Variants in PTPRT observed in about 807,000 individuals in gnomAD.
PTPRT encodes protein tyrosine phosphatase receptor type T.
PTPRT carries 56 observed loss-of-function variants against 176.8 expected under a neutral mutation model. That is an observed-to-expected ratio of 0.32 (90% CI 0.26 to 0.40). The LOEUF is 0.40. PTPRT is among the 10% of genes least tolerant of loss of function. The pLI, the probability that PTPRT is intolerant of heterozygous loss-of-function variation, is 1.00. For synonymous variants in PTPRT, 783 were observed against 739.0 expected (o/e 1.06, Z -0.96); for missense variants, 1,540 against 1,908.2 (o/e 0.81, Z 3.60).
At chr20:42,660,831 CAG>C (rs1198796194) in intron 7 of PTPRT, among the ~76,000 whole-genome samples, 1 of 151,910 alleles carries the variant, frequency 6.6e-6, no homozygotes, top group Non-Finnish European at 1.5e-5. Flanking sequence ...GTTTGGTAAA[CAG>C]TGTTTTTTGT....
intron 1 of PTPRT, among the ~76,000 whole-genome samples, chr20:43,109,079 T>A (rs2146338436): frequency 6.6e-6 from 1 of 152,230 alleles, no homozygotes; most frequent in Admixed American, 6.5e-5. Context: ...ATTTTCTATT[T>A]TTTTTTCCCC....
At chr20:42,816,146 T>C (rs1453862335) in intron 2 of PTPRT, among the ~76,000 whole-genome samples, 1 of 152,124 alleles carries the variant, frequency 6.6e-6, no homozygotes, top group Non-Finnish European at 1.5e-5. Context: ...TCAGTGAAGA[T>C]TGGAACAGTA....
chr20:42,187,725 A>G (rs866745845), intron 16 of PTPRT, among the ~76,000 whole-genome samples: 1 of 152,184 alleles, frequency 6.6e-6, no homozygotes, highest in African/African-American at 2.4e-5. Flanking sequence ...CAGCTCCTTC[A>G]CACATTCTGA....
intron 1 of PTPRT, among the ~76,000 whole-genome samples, chr20:42,986,249 G>T (rs548364990): frequency 6.6e-6 from 1 of 152,340 alleles, no homozygotes; most frequent in East Asian, 1.9e-4. Flanking sequence ...TTCTGTACCA[G>T]AATCATTTTC....
intron 18 of PTPRT, among the ~76,000 whole-genome samples, chr20:42,129,054 C>T (rs1041341346): frequency 6.6e-6 from 1 of 152,152 alleles, no homozygotes; most frequent in African/African-American, 2.4e-5. Context: ...CTGATTTCGT[C>T]ATTACCTAAC....
intron 12 of PTPRT, among the ~76,000 whole-genome samples, chr20:42,293,374 C>A (rs1181478396): frequency 6.6e-6 from 1 of 152,146 alleles, no homozygotes; most frequent in Admixed American, 6.6e-5. Context: ...CTGCAACTGA[C>A]CATTCCCTCC....
At chr20:42,878,225 G>A (rs924268404) in intron 2 of PTPRT, among the ~76,000 whole-genome samples, 2 of 152,162 alleles carry the variant, frequency 1.3e-5, no homozygotes, top group African/African-American at 4.8e-5. Context: ...GAAATAAATC[G>A]TGGAACAGTC....
intron 7 of PTPRT, among the ~76,000 whole-genome samples, chr20:42,533,330 C>T (rs996017102): frequency 1.3e-5 from 2 of 152,180 alleles, no homozygotes; most frequent in African/African-American, 2.4e-5. Context: ...GGTGTGCCGC[C>T]GGGTCTCAAC....
At chr20:42,726,923 G>T (rs2076389613) in intron 6 of PTPRT, among the ~76,000 whole-genome samples, 1 of 152,216 alleles carries the variant, frequency 6.6e-6, no homozygotes, top group African/African-American at 2.4e-5. Context: ...ATCCTGCTGA[G>T]ATTTTGACAC....
intron 2 of PTPRT, among the ~76,000 whole-genome samples, chr20:42,848,793 C>T (rs1368291070): frequency 6.6e-6 from 1 of 152,088 alleles, no homozygotes; most frequent in African/African-American, 2.4e-5. Flanking sequence ...GTTTCTTTGG[C>T]TGTTCGGAAG....
intron 7 of PTPRT, among the ~76,000 whole-genome samples, chr20:42,644,385 T>C (rs762537224): frequency 6.6e-6 from 1 of 152,156 alleles, no homozygotes; most frequent in Non-Finnish European, 1.5e-5. Flanking sequence ...CCCCTCCCAA[T>C]TTATCAGTAC....
intron 7 of PTPRT, among the ~76,000 whole-genome samples, chr20:42,647,485 TCAGA>T (rs1429924026): frequency 6.6e-6 from 1 of 152,158 alleles, no homozygotes; most frequent in African/African-American, 2.4e-5. Context: ...GTTCAATTTC[TCAGA>T]CATTCACTTT....
At chr20:42,284,584 A>G (rs1260877457) in intron 12 of PTPRT, among the ~76,000 whole-genome samples, 1 of 152,058 alleles carries the variant, frequency 6.6e-6, no homozygotes, top group African/African-American at 2.4e-5. Context: ...TTCATCTGTT[A>G]ATCAGAATCA....
chr20:42,395,352 G>A (rs535288876), intron 9 of PTPRT, among the ~76,000 whole-genome samples: 1 of 152,262 alleles, frequency 6.6e-6, no homozygotes, highest in African/African-American at 2.4e-5. Context: ...AAGGACCTAT[G>A]CCGCATCTAA....
intron 1 of PTPRT, among the ~76,000 whole-genome samples, chr20:42,895,667 T>G (rs2079283263): frequency 6.6e-6 from 1 of 152,232 alleles, no homozygotes; most frequent in Admixed American, 6.5e-5. Flanking sequence ...TGGGCATGAC[T>G]GTGTTCTAAT....
intron 7 of PTPRT, among the ~76,000 whole-genome samples, chr20:42,578,841 C>T (rs576517759): frequency 6.6e-6 from 1 of 151,292 alleles, no homozygotes; most frequent in African/African-American, 2.4e-5. Flanking sequence ...CTTCCCATTT[C>T]ATGCAGAGCC....
intron 1 of PTPRT, among the ~76,000 whole-genome samples, chr20:42,933,752 A>G (rs554482332): frequency 6.6e-6 from 1 of 152,308 alleles, no homozygotes; most frequent in Admixed American, 6.5e-5. Context: ...GATTTACTTT[A>G]AAATGCAACT....
At chr20:42,776,559 C>A in intron 4 of PTPRT, among the ~76,000 whole-genome samples, 1 of 152,172 alleles carries the variant, frequency 6.6e-6, no homozygotes, top group East Asian at 1.9e-4. Flanking sequence ...TGGCCAACAC[C>A]TTGACCTTGA....
chr20:42,752,087 C>G (rs544511118), intron 6 of PTPRT, among the ~76,000 whole-genome samples: 1 of 152,260 alleles, frequency 6.6e-6, no homozygotes, highest in South Asian at 2.1e-4. Flanking sequence ...CAACAGAGAA[C>G]TGGGCCACAC....
Sources: gnomAD v4.1 joint callset for allele counts (sites outside exome capture counted in the v4.1 genomes callset) on GRCh38, gnomAD v4.1.1 for gene constraint, MANE v1.5 for transcripts, NCBI Gene and HGNC (gene_info 2026-07-23, HGNC 2026-07-21) for gene names.